Variants in KPNA4 observed in about 807,000 individuals in gnomAD.
KPNA4 encodes importin subunit alpha-3.
In KPNA4, 13 loss-of-function variants were observed where a neutral mutation model predicts 71.3. The observed-to-expected ratio is 0.18, with a 90% CI of 0.12 to 0.29. KPNA4 has a LOEUF of 0.29. Ranked by LOEUF, KPNA4 falls within the 10% of genes least tolerant of loss-of-function variation. KPNA4 has a pLI of 1.00. For missense variants in KPNA4, 334 were observed against 603.2 expected, an observed-to-expected ratio of 0.55 and a Z score of 4.67; for synonymous variants, 189 against 195.2, an observed-to-expected ratio of 0.97 and a Z score of 0.26.
At chr3:160,537,680 C>CTT (rs1288978426) in intron 1 of KPNA4, among the ~76,000 whole-genome samples, 1 of 150,212 alleles carries the variant, frequency 6.7e-6, no homozygotes, top group Non-Finnish European at 1.5e-5. Flanking sequence ...CAAAACTGAA[C>CTT]TTTTGATCTT....
intron 5 of KPNA4, among the ~76,000 whole-genome samples, chr3:160,535,033 TAATCTA>T (rs1425423894): frequency 6.6e-6 from 1 of 152,092 alleles, no homozygotes; most frequent in Non-Finnish European, 1.5e-5. Context: ...TCATTAATCT[TAATCTA>T]CATCTACTTG....
intron 15 of KPNA4, among the ~76,000 whole-genome samples, chr3:160,507,851 GCAAGGA>G (rs1353275043): frequency 3.3e-5 from 5 of 152,196 alleles, no homozygotes; most frequent in African/African-American, 1.2e-4. Context: ...TGCCTTGAGG[GCAAGGA>G]CTGTGTCTTG....
chr3:160,526,746 A>T (rs1233846234), intron 8 of KPNA4, among the ~76,000 whole-genome samples: 1 of 152,248 alleles, frequency 6.6e-6, no homozygotes, highest in Non-Finnish European at 1.5e-5. Context: ...AGCCATGTTG[A>T]AATGTTACCA....
intron 5 of KPNA4, among the ~76,000 whole-genome samples, chr3:160,534,564 A>G (rs560347020): frequency 6.6e-6 from 1 of 151,266 alleles, no homozygotes; most frequent in South Asian, 2.1e-4. Context: ...CTAAAAATAC[A>G]AAAATTAGCC....
chr3:160,531,685 CAATT>C, intron 5 of KPNA4, 128 bp from the exon 6 acceptor site: 1 of 442,658 alleles, frequency 2.3e-6, no homozygotes, highest in Non-Finnish European at 4.0e-6. Flanking sequence ...CTGAAATTAA[CAATT>C]TATATAATGC....
chr3:160,525,143 A>G (rs1307249002), intron 10 of KPNA4, among the ~76,000 whole-genome samples: 1 of 152,224 alleles, frequency 6.6e-6, no homozygotes, highest in East Asian at 1.9e-4. Flanking sequence ...CTGTGTTAGT[A>G]AAAATAAGCA....
chr3:160,561,920 T>C (rs1040449529), intron 1 of KPNA4, among the ~76,000 whole-genome samples: 1 of 152,064 alleles, frequency 6.6e-6, no homozygotes. Flanking sequence ...TACCTATTAA[T>C]CTTCACAACA....
At position 160,565,501 on chromosome 3, in the gene KPNA4, A is replaced by T; in HGVS notation, c.-219T>A. The stretch of plus-strand genomic sequence containing the variant: ...GCGCGACTGCAGCTCCGGCAAAGAC[A>T]ACTGTGGGGCCGGGCGGCGGCAAGG... On this transcript the variant is annotated 5_prime_UTR_variant, in exon 1 of 17. Transcript: ENST00000334256. The T allele has an allele frequency of 1.8e-6, 1 of 550,262 alleles. No homozygotes were observed. 34.1% of individuals were successfully genotyped at this position (550,262 alleles called of 1,614,324 possible).
chr3:160,538,845 A>C (rs1253383534), intron 1 of KPNA4, among the ~76,000 whole-genome samples: 1 of 152,130 alleles, frequency 6.6e-6, no homozygotes, highest in Non-Finnish European at 1.5e-5. Flanking sequence ...CAGAAGATGG[A>C]CTCCAAAGTC....
intron 1 of KPNA4, among the ~76,000 whole-genome samples, chr3:160,562,306 G>C (rs747124493): frequency 1.4e-4 from 21 of 152,136 alleles, no homozygotes; most frequent in Non-Finnish European, 2.8e-4. Flanking sequence ...ATGTTGCATG[G>C]TATTTTGGAT....
chr3:160,525,767 T>C, intron 10 of KPNA4, 33 bp downstream of exon 10: 1 of 1,402,590 alleles, frequency 7.1e-7, no homozygotes, highest in Non-Finnish European at 9.6e-7. Context: ...CATACATACA[T>C]ACATAAATAT....
intron 1 of KPNA4, among the ~76,000 whole-genome samples, chr3:160,551,937 A>G (rs942656017): frequency 5.8e-5 from 4 of 69,058 alleles, no homozygotes; most frequent in Non-Finnish European, 1.2e-4. Context: ...GGTTGTCACA[A>G]CTGGGGGGGG....
At position 160,497,493 on chromosome 3, in the gene KPNA4, T is replaced by A. The variant is rs1720789700; in HGVS notation, c.*4611A>T. 6.6e-6 allele frequency: 1 copy of A among 152,196 alleles called. No homozygotes were observed. Among genetic ancestry groups the A allele is most frequent in the Non-Finnish European group, 1.5e-5 (1 of 68,024 alleles). The allele number at this position is 152,196 out of a possible 1,614,324, so 9.4% of individuals were successfully genotyped here. ...GGCATCTTGCAGCAACTTTTAAAAA[T>A]TATTGTACATATATATTTAAAAGCA... On this transcript the variant is annotated 3_prime_UTR_variant, in exon 17 of 17. Coordinates refer to ENST00000334256, the MANE Select transcript of KPNA4 (RefSeq NM_002268.5).
intron 11 of KPNA4, among the ~76,000 whole-genome samples, chr3:160,521,120 A>G (rs770995903): frequency 3.7e-4 from 57 of 152,342 alleles, no homozygotes; most frequent in African/African-American, 1.1e-3. Context: ...ACCAATGAAG[A>G]TAAGAGTTAA....
chr3:160,505,238 TAAAATC>T (rs1301384417), intron 15 of KPNA4, among the ~76,000 whole-genome samples, 186 bp from the exon 16 acceptor site: 2 of 152,156 alleles, frequency 1.3e-5, no homozygotes, highest in Non-Finnish European at 2.9e-5. Context: ...ATATTTATCT[TAAAATC>T]AACAACCTGA....
intron 13 of KPNA4, among the ~76,000 whole-genome samples, chr3:160,512,826 T>TA (rs149912965): frequency 0.045 from 6,778 of 150,700 alleles, 212 homozygotes; most frequent in Middle Eastern, 0.079. Flanking sequence ...CGAGACCGTC[T>TA]AAAAAAAAAC....
At chr3:160,565,185 C>T in intron 1 of KPNA4, 29 bp downstream of exon 1, 1 of 1,579,958 alleles carries the variant, frequency 6.3e-7, no homozygotes, top group Non-Finnish European at 8.6e-7. Flanking sequence ...CCACAGCCCC[C>T]ACCCCTCCGG....
intron 11 of KPNA4, among the ~76,000 whole-genome samples, chr3:160,519,801 C>CA (rs558355699): frequency 0.035 from 2,939 of 83,364 alleles, 210 homozygotes; most frequent in African/African-American, 0.097. Context: ...GACTCCGTCT[C>CA]AAAAAAAAAA....
intron 1 of KPNA4, among the ~76,000 whole-genome samples, chr3:160,559,978 C>CT (rs1240925382): frequency 1.3e-5 from 2 of 152,076 alleles, no homozygotes; most frequent in African/African-American, 4.8e-5. Flanking sequence ...TTTACCAAAC[C>CT]TAAATGAAAA....
Sources: gnomAD v4.1 joint callset for allele counts (sites outside exome capture counted in the v4.1 genomes callset) on GRCh38, gnomAD v4.1.1 for gene constraint, MANE v1.5 for transcripts, NCBI Gene and HGNC (gene_info 2026-07-23, HGNC 2026-07-21) for gene names.